TOP1: variants seen among roughly 807,000 people sequenced by gnomAD.
The protein encoded by TOP1 is DNA topoisomerase 1.
Under a neutral mutation model 111.1 loss-of-function variants are expected in TOP1, and 10 were observed. The ratio of observed to expected loss-of-function variants is 0.09; its 90% CI spans 0.06 to 0.15. The LOEUF (loss-of-function observed/expected upper bound fraction) is 0.15. Among genes scored for constraint, TOP1 ranks in the 10% least tolerant of loss-of-function variants. The pLI is 1.00. For missense variants in TOP1, 474 were observed against 926.7 expected, an observed-to-expected ratio of 0.51 and a Z score of 6.34; for synonymous variants, 271 against 302.9, an observed-to-expected ratio of 0.89 and a Z score of 1.10.
At chr20:41,055,195 C>T (rs968101887) in intron 2 of TOP1, among the ~76,000 whole-genome samples, 1 of 152,296 alleles carries the variant, frequency 6.6e-6, no homozygotes, top group South Asian at 2.1e-4. Flanking sequence ...CATTAGTTGG[C>T]CTGAATTCAC....
Position 41,101,254 on chromosome 20 carries a change from A to T in TOP1, c.1209A>T (p.Glu403Asp). 1 of 1,614,180 alleles carries T rather than the reference A, an allele frequency of 6.2e-7. No individual in the cohort carries two copies. The part of the protein sequence containing the change: ...PSPPPGHKWK[E>D]VRHDNKVTWL... Reference sequence around the variant, plus strand: ...CTCCTCCAGGACATAAGTGGAAAGAAGTCCGGCATGATAACAAGGTTACTT... The same window carrying T: ...CTCCTCCAGGACATAAGTGGAAAGATGTCCGGCATGATAACAAGGTTACTT... Residue 403 changes from glutamate (E) to aspartate (D), a missense_variant, in exon 13 of 21, where the codon GAA becomes GAT. Glu to Asp is a conservative substitution (Grantham distance 45). This residue lies in a region of TOP1 where 7 missense variants were observed against 57.3 expected (regional missense o/e 0.12). Transcript: ENST00000361337. This position sits in a 1 kb window ranked among gnomAD's most constrained non-coding sequence, Gnocchi z 4.1.
intron 8 of TOP1, among the ~76,000 whole-genome samples, chr20:41,089,511 A>G (rs1303485887): frequency 6.6e-6 from 1 of 152,252 alleles, no homozygotes; most frequent in African/African-American, 2.4e-5. Context: ...TAAAGGCTAA[A>G]TAATATTCCA....
At position 41,032,904 on chromosome 20, in the gene TOP1, A is replaced by G. The variant is rs2033138437; in HGVS notation, c.58+3449A>G. 6.6e-6 allele frequency among the ~76,000 whole-genome samples: 1 copy of G among 152,172 alleles called. No homozygotes were observed. The highest frequency in any genetic ancestry group is 2.4e-5 in the African/African-American group (1 of 41,442). ...ACTACATTTTTAAAACTGAAAAGTG[A>G]TGGTACCGCCAAATGAAATCTGCAG... is the stretch of plus-strand genomic sequence containing the variant. On this transcript the variant is annotated intron_variant, in intron 2 of 20. Coordinates refer to ENST00000361337, the MANE Select transcript of TOP1 (RefSeq NM_003286.4). This position sits in a 1 kb window ranked among gnomAD's most constrained non-coding sequence, Gnocchi z 4.3.
Position 41,105,687 on chromosome 20 carries a change from G to A in TOP1, c.1308+4334G>A, listed in dbSNP as rs540000678. Among the ~76,000 whole-genome samples the A allele has an allele frequency of 2.2e-3, 337 of 152,162 alleles. 3 individuals carry two copies. Among genetic ancestry groups the A allele is most frequent in the Non-Finnish European group, 2.4e-3 (161 of 68,012 alleles). Reference sequence around the variant, plus strand: ...TAATTTTTGTATTTTTAATAGAGACGGGATTTCACCATGTTGGCCAGGCTG... The same window carrying A: ...TAATTTTTGTATTTTTAATAGAGACAGGATTTCACCATGTTGGCCAGGCTG... On this transcript the variant is annotated intron_variant, in intron 13 of 20. Coordinates refer to ENST00000361337, the MANE Select transcript of TOP1 (RefSeq NM_003286.4).
Position 41,114,066 on chromosome 20 carries a change from G to A in TOP1, c.1549G>A (p.Glu517Lys), listed in dbSNP as rs6129757. Residue 517 changes from glutamate to lysine, a missense_variant, in exon 15 of 21, where the codon GAG becomes AAG. Transcript: ENST00000361337. The surrounding 1 kb of genome is among the most constrained non-coding windows in gnomAD (Gnocchi z 4.5). ...LRVEHINLHP[E>K]LDGQEYVVEF... ...TGTGGAGCACATCAATCTACACCCA[G>A]AGTTGGATGGTCAGGAATATGTGGT... The A allele has an allele frequency of 3.1e-6, 5 of 1,614,188 alleles. No individual in the cohort carries two copies. Among genetic ancestry groups the A allele is most frequent in the Non-Finnish European group, 4.2e-6 (5 of 1,180,000 alleles).
chr20:41,096,540 G>A (rs2033985218), intron 9 of TOP1, among the ~76,000 whole-genome samples: 1 of 152,168 alleles, frequency 6.6e-6, no homozygotes, highest in Non-Finnish European at 1.5e-5. Flanking sequence ...TGCAATTTCT[G>A]TATAGGATTC....
Position 41,118,157 on chromosome 20 carries a change from C to T in TOP1, c.1823-12C>T. 1 of 1,612,316 alleles carries T rather than the reference C, an allele frequency of 6.2e-7. No individual in the cohort carries two copies. The highest frequency in any genetic ancestry group is 8.5e-7 in the Non-Finnish European group (1 of 1,178,694). On this transcript the variant is annotated splice_polypyrimidine_tract_variant and intron_variant, in intron 17 of 20. Transcript: ENST00000361337. The surrounding 1 kb of genome is among the most constrained non-coding windows in gnomAD (Gnocchi z 4.6). ...AACTGACCCTCTTGCTACCATGTTC[C>T]TTTCTTTACAGCGGATGAGAACATC...
rs901222458 is a variant in TOP1, at chr20:41,034,896, C to T, written c.58+5441C>T. On this transcript the variant is annotated intron_variant, in intron 2 of 20. Coordinates refer to ENST00000361337, the MANE Select transcript of TOP1 (RefSeq NM_003286.4). The surrounding 1 kb of genome is among the most constrained non-coding windows in gnomAD (Gnocchi z 4.0). ...TTCTTTCCTTTACTTTTTTTTTGGG[C>T]GGGGTGGGGGGCAGACAGGGTTTCT... 7.4e-5 allele frequency among the ~76,000 whole-genome samples: 11 copies of T among 149,356 alleles called. No individual in the cohort carries two copies. Among genetic ancestry groups the T allele is most frequent in the African/African-American group, 2.2e-4 (9 of 40,488 alleles).
At chr20:41,104,887 A>C (rs2034121178) in intron 13 of TOP1, among the ~76,000 whole-genome samples, 1 of 152,228 alleles carries the variant, frequency 6.6e-6, no homozygotes, top group Non-Finnish European at 1.5e-5. Flanking sequence ...TTGCCAGCGG[A>C]AGAAGCATTC....
chr20:41,108,738 C>T (rs2034187666), intron 13 of TOP1, among the ~76,000 whole-genome samples: 1 of 152,148 alleles, frequency 6.6e-6, no homozygotes, highest in Admixed American at 6.5e-5. Context: ...GACAGCTAGC[C>T]TTCTGGAACC....
intron 8 of TOP1, among the ~76,000 whole-genome samples, chr20:41,089,097 T>A (rs1274925071): frequency 6.8e-6 from 1 of 147,882 alleles, no homozygotes. Context: ...TGATCTCAGT[T>A]CACTGCAACC....
At position 41,112,760 on chromosome 20, in the gene TOP1, A is replaced by C. The variant is rs1369064608; in HGVS notation, c.1309-22A>C. Reference sequence around the variant, plus strand: ...ACTACACTGTCCCAAAGTAATCTACATTTGGGTTTGGGTCTTTACAGGGTG... The same window carrying C: ...ACTACACTGTCCCAAAGTAATCTACCTTTGGGTTTGGGTCTTTACAGGGTG... On this transcript the variant is annotated intron_variant, in intron 13 of 20. Transcript: ENST00000361337. This position sits in a 1 kb window ranked among gnomAD's most constrained non-coding sequence, Gnocchi z 5.8. 6.2e-7 allele frequency: 1 copy of C among 1,613,116 alleles called. No individual in the cohort carries two copies. The highest frequency in any genetic ancestry group is 1.3e-5 in the African/African-American group (1 of 74,890).
intron 3 of TOP1, chr20:41,072,130 T>C (rs2033676031): frequency 1.6e-6 from 1 of 627,768 alleles, no homozygotes; most frequent in African/African-American, 2.0e-5. Flanking sequence ...TTTTTCTAAT[T>C]TAGCCCTACT....
intron 9 of TOP1, among the ~76,000 whole-genome samples, chr20:41,096,053 A>G (rs2033977306): frequency 6.6e-6 from 1 of 152,210 alleles, no homozygotes; most frequent in Non-Finnish European, 1.5e-5. Context: ...TTGTGAAAAC[A>G]TCTGAGTCCC....
At chr20:41,113,879 C>CA (rs552197714) in intron 14 of TOP1, 91 bp from the exon 15 acceptor site, 104,771 of 655,062 alleles carry the variant, frequency 0.16, 594 homozygotes, top group African/African-American at 0.24. Flanking sequence ...GAGACTGTCT[C>CA]AAAAAAAAAA....
At chr20:41,088,177 C>G (rs960072959) in intron 8 of TOP1, among the ~76,000 whole-genome samples, 1 of 151,936 alleles carries the variant, frequency 6.6e-6, no homozygotes, top group Admixed American at 6.6e-5. Flanking sequence ...AAATAGGAGT[C>G]GTAAAAACAG....
rs371902940 is a variant in TOP1 at position 41,114,107 on chromosome 20, C to A, written c.1590C>A (p.Leu530=). 1 of 1,614,126 alleles carries A rather than the reference C, an allele frequency of 6.2e-7. No homozygotes were observed. Among genetic ancestry groups the A allele is most frequent in the South Asian group, 1.1e-5 (1 of 91,076 alleles). Residue 530 remains leucine (L), a synonymous_variant, in exon 15 of 21, where the codon CTC becomes CTA. Coordinates refer to ENST00000361337, the MANE Select transcript of TOP1 (RefSeq NM_003286.4). The surrounding 1 kb of genome is among the most constrained non-coding windows in gnomAD (Gnocchi z 4.5). ...GQEYVVEFDF[L]GKDSIRYYNK... ...AATATGTGGTAGAGTTTGACTTCCT[C>A]GGGAAGGACTCCATCAGATACTATA...
chr20:41,065,621 G>A (rs1347964632), intron 3 of TOP1, among the ~76,000 whole-genome samples: 1 of 151,644 alleles, frequency 6.6e-6, no homozygotes, highest in Non-Finnish European at 1.5e-5. Context: ...TTATGAATTT[G>A]CCTATTCTAA....
chr20:41,105,189 G>A (rs1411248209), intron 13 of TOP1, among the ~76,000 whole-genome samples: 1 of 151,962 alleles, frequency 6.6e-6, no homozygotes, highest in African/African-American at 2.4e-5. Flanking sequence ...GTATATTTAT[G>A]TGTTCATAAA....
Sources: allele counts gnomAD v4.1 joint callset (sites outside exome capture counted in the v4.1 genomes callset), GRCh38; gene constraint gnomAD v4.1.1; regional missense constraint gnomAD v4.1.1; non-coding constraint Gnocchi (gnomAD v3.1); transcripts MANE v1.5; gene names NCBI Gene and HGNC (gene_info 2026-07-23, HGNC 2026-07-21).